NHSL1: variants seen among roughly 807,000 people sequenced by gnomAD.
NHSL1 encodes the protein NHS-like protein 1.
NHSL1 carries 48 observed loss-of-function variants against 95.0 expected under a neutral mutation model. The ratio of observed to expected loss-of-function variants is 0.51; its 90% CI spans 0.40 to 0.64. NHSL1 has a LOEUF of 0.64. Among genes scored for constraint, NHSL1 ranks in the 30% least tolerant of loss-of-function variants. NHSL1 has a pLI of 0.00. For missense variants in NHSL1, 1,971 were observed against 2,077.7 expected (o/e 0.95, Z 1.00); for synonymous variants, 783 against 833.9 (o/e 0.94, Z 1.05).
chr6:138,513,596 A>G (rs927894530), intron 1 of NHSL1, among the ~76,000 whole-genome samples: 1 of 152,148 alleles, frequency 6.6e-6, no homozygotes, highest in Admixed American at 6.5e-5. Flanking sequence ...AAATGATTAC[A>G]GGGGCTGGTG....
chr6:138,503,265 G>A (rs1386480311), upstream of NHSL1, among the ~76,000 whole-genome samples: 3 of 151,930 alleles, frequency 2.0e-5, no homozygotes, highest in East Asian at 5.8e-4. Context: ...TGCATATGAT[G>A]GCTCCTTCTC....
intron 1 of NHSL1, among the ~76,000 whole-genome samples, chr6:138,640,476 G>C (rs1224965286): frequency 6.6e-6 from 1 of 152,080 alleles, no homozygotes; most frequent in African/African-American, 2.4e-5. Context: ...AAGACAGCAA[G>C]ACCAATCCCT....
chr6:138,431,765 T>C lies in NHSL1; in HGVS notation c.2580A>G (p.Thr860=), dbSNP rs1191127222. Residue 860 remains threonine, a synonymous_variant, in exon 6 of 8, where the codon ACA becomes ACG. Transcript: ENST00000343505. The surrounding 1 kb of genome is among the most constrained non-coding windows in gnomAD (Gnocchi z 4.0). The part of the protein sequence containing the change: ...SGYSSQSNTP[T]ALTPVPVFLK... Reference sequence around the variant, plus strand: ...AAAACACAGGCACAGGGGTGAGTGCTGTGGGTGTATTCGACTGGCTGGAAT... The same window carrying C: ...AAAACACAGGCACAGGGGTGAGTGCCGTGGGTGTATTCGACTGGCTGGAAT... 1 of 1,551,722 alleles carries C rather than the reference T, an allele frequency of 6.4e-7. No individual in the cohort carries two copies. Among genetic ancestry groups the C allele is most frequent in the East Asian group, 2.4e-5 (1 of 40,914 alleles).
chr6:138,459,645 G>A (rs990142418), intron 3 of NHSL1, among the ~76,000 whole-genome samples: 5 of 152,134 alleles, frequency 3.3e-5, no homozygotes, highest in Admixed American at 3.3e-4. Context: ...AATAATGATA[G>A]TGAATGTCCT....
intron 1 of NHSL1, among the ~76,000 whole-genome samples, chr6:138,599,317 G>T (rs548468381): frequency 1.3e-5 from 2 of 152,278 alleles, no homozygotes; most frequent in South Asian, 4.1e-4. Flanking sequence ...TTCGAGACCA[G>T]CCTGGCCAAT....
At chr6:138,429,865 T>A in intron 6 of NHSL1, 22 bp from the exon 7 acceptor site, 1 of 1,545,704 alleles carries the variant, frequency 6.5e-7, no homozygotes, top group South Asian at 1.2e-5. Context: ...CAGGCAGGCA[T>A]ACAAGACGCA....
chr6:138,517,314 T>C (rs766965408), intron 1 of NHSL1, among the ~76,000 whole-genome samples: 6 of 152,176 alleles, frequency 3.9e-5, no homozygotes, highest in Non-Finnish European at 8.8e-5. Context: ...GTCAGACTGA[T>C]TTTTTTCTAC....
At chr6:138,527,664 G>C (rs1471637130) in intron 1 of NHSL1, among the ~76,000 whole-genome samples, 4 of 152,180 alleles carry the variant, frequency 2.6e-5, no homozygotes, top group Non-Finnish European at 5.9e-5. Flanking sequence ...AAAGTGAAAA[G>C]ATCCTCTTTG....
chr6:138,423,993 G>A lies in NHSL1; in HGVS notation c.*88C>T. 8.0e-6 allele frequency: 10 copies of A among 1,245,048 alleles called. No individual in the cohort carries two copies. The highest frequency in any genetic ancestry group is 6.1e-5 in the African/African-American group (4 of 65,236). 77.1% of individuals were successfully genotyped at this position (1,245,048 alleles called of 1,614,324 possible). On this transcript the variant is annotated 3_prime_UTR_variant, in exon 8 of 8. Coordinates refer to ENST00000343505, the MANE Select transcript of NHSL1 (RefSeq NM_001144060.2). ...CAGAAGCAGAGTGGGCTCCCCGGGT[G>A]AGCCAGGGAAGGGCGCCTAGCAGGC...
At chr6:138,666,321 C>T (rs1043896933) in intron 1 of NHSL1, among the ~76,000 whole-genome samples, 3 of 152,002 alleles carry the variant, frequency 2.0e-5, no homozygotes, top group African/African-American at 2.4e-5. Context: ...AAAACAAGGG[C>T]CAGGCGCGGT....
chr6:138,537,596 C>T (rs1782410173), intron 1 of NHSL1, among the ~76,000 whole-genome samples: 1 of 148,072 alleles, frequency 6.8e-6, no homozygotes, highest in Admixed American at 6.8e-5. Flanking sequence ...GTAAGCTTTA[C>T]TTAATCCTCA....
intron 2 of NHSL1, among the ~76,000 whole-genome samples, chr6:138,491,241 G>A (rs993661735): frequency 2.0e-5 from 3 of 152,144 alleles, no homozygotes; most frequent in African/African-American, 4.8e-5. Flanking sequence ...ATTCAGGCAG[G>A]AATGTACACA....
At chr6:138,427,870 T>C (rs897663239) in intron 7 of NHSL1, among the ~76,000 whole-genome samples, 2 of 152,232 alleles carry the variant, frequency 1.3e-5, no homozygotes, top group African/African-American at 4.8e-5. Flanking sequence ...TGCTAATTTA[T>C]TCTCAACGCT....
At chr6:138,611,745 CAAAATA>C (rs752998849) in intron 1 of NHSL1, among the ~76,000 whole-genome samples, 10 of 150,356 alleles carry the variant, frequency 6.7e-5, no homozygotes, top group Middle Eastern at 3.4e-3. Flanking sequence ...GACTCCAACA[CAAAATA>C]AAAATAAAAA....
At chr6:138,451,369 T>G (rs912133802) in intron 3 of NHSL1, among the ~76,000 whole-genome samples, 3 of 152,226 alleles carry the variant, frequency 2.0e-5, no homozygotes, top group African/African-American at 7.2e-5. Flanking sequence ...AGGTCTTAAC[T>G]GTTCATCCTA....
At chr6:138,492,962 A>G (rs1780160101) in intron 2 of NHSL1, among the ~76,000 whole-genome samples, 1 of 151,464 alleles carries the variant, frequency 6.6e-6, no homozygotes, top group Non-Finnish European at 1.5e-5. Context: ...ATAACATCAA[A>G]TCTTAATAGT....
chr6:138,515,082 C>T (rs1007115993), intron 1 of NHSL1, among the ~76,000 whole-genome samples: 3 of 152,088 alleles, frequency 2.0e-5, no homozygotes, highest in African/African-American at 7.2e-5. Context: ...CAGCTGACCA[C>T]ATCCTGGGCA....
At chr6:138,613,728 A>G (rs965919365) in intron 1 of NHSL1, among the ~76,000 whole-genome samples, 2 of 152,208 alleles carry the variant, frequency 1.3e-5, no homozygotes, top group African/African-American at 4.8e-5. Flanking sequence ...AGGCAACAGA[A>G]TAAGGACATT....
intron 3 of NHSL1, among the ~76,000 whole-genome samples, chr6:138,471,086 G>A (rs1778721868): frequency 6.6e-6 from 1 of 152,128 alleles, no homozygotes; most frequent in Admixed American, 6.5e-5. Flanking sequence ...ACACACATCT[G>A]GGAGAGGGCT....
Sources: allele counts gnomAD v4.1 joint callset (sites outside exome capture counted in the v4.1 genomes callset), GRCh38; gene constraint gnomAD v4.1.1; non-coding constraint Gnocchi (gnomAD v3.1); transcripts MANE v1.5; gene names NCBI Gene and HGNC (gene_info 2026-07-23, HGNC 2026-07-21).